The following RGS20 variants were observed in gnomAD, a reference collection of about 807,000 sequenced individuals.
The protein encoded by RGS20 is regulator of G protein signaling 20.
In RGS20, 30 loss-of-function variants were observed where a neutral mutation model predicts 33.6. That is an observed-to-expected ratio of 0.89 (90% confidence interval 0.67 to 1.21). The LOEUF is 1.21. Ranked by LOEUF, RGS20 falls within the 50% of genes most tolerant of loss-of-function variation. RGS20 has a pLI of 0.00. For missense variants in RGS20, 472 were observed against 502.4 expected (o/e 0.94, Z 0.58); for synonymous variants, 208 against 197.9 (o/e 1.05, Z -0.43).
chr8:53,880,756 G>A (rs915465619), intron 2 of RGS20, 116 bp from the exon 1 acceptor site: 12 of 859,656 alleles, frequency 1.4e-5, no homozygotes, highest in Non-Finnish European at 1.9e-5. Context: ...CGCGCCCCGC[G>A]TGGGGCCTCG....
intron 2 of RGS20, among the ~76,000 whole-genome samples, chr8:53,901,877 TAG>T (rs1218910760): frequency 6.6e-6 from 1 of 152,118 alleles, no homozygotes; most frequent in Non-Finnish European, 1.5e-5. Flanking sequence ...GAAAACATTA[TAG>T]AGATAGAATA....
At chr8:53,863,179 G>T (rs1277169671) in intron 1 of RGS20, among the ~76,000 whole-genome samples, 2 of 152,026 alleles carry the variant, frequency 1.3e-5, no homozygotes, top group African/African-American at 4.8e-5. Flanking sequence ...TAGAGACGGG[G>T]TCTCTCCATG....
At chr8:53,949,534 TGGTGAAA>T (rs1814651221) in intron 4 of RGS20, among the ~76,000 whole-genome samples, 1 of 151,850 alleles carries the variant, frequency 6.6e-6, no homozygotes. Context: ...CTGGCTGACA[TGGTGAAA>T]CCCCTTTTCT....
At position 53,889,645 on chromosome 8, in the gene RGS20, C is replaced by T. The variant is rs114038637; in HGVS notation, c.510+10043C>T. Among the ~76,000 whole-genome samples, 640 of 151,064 alleles carry T rather than the reference C, an allele frequency of 4.2e-3. 4 individuals carry two copies. Among genetic ancestry groups the T allele is most frequent in the African/African-American group, 0.014 (570 of 41,172 alleles). Reference sequence around the variant, plus strand: ...TGTTTGGCCCATTTTTCTATTGTGCCGCTGATCTTTTATTATTGTTATTAT... The same window carrying T: ...TGTTTGGCCCATTTTTCTATTGTGCTGCTGATCTTTTATTATTGTTATTAT... On this transcript the variant is annotated intron_variant, in intron 2 of 5. Transcript: ENST00000297313.
intron 2 of RGS20, among the ~76,000 whole-genome samples, chr8:53,920,074 C>G (rs1172461847): frequency 6.6e-6 from 1 of 151,960 alleles, no homozygotes. Context: ...GGTGTTTCAC[C>G]CTGTTGCCTA....
At position 53,904,018 on chromosome 8, in the gene RGS20, G is replaced by A. The variant is rs11998207; in HGVS notation, c.510+24416G>A. On this transcript the variant is annotated intron_variant, in intron 2 of 5. Coordinates refer to ENST00000297313, the MANE Select transcript of RGS20 (RefSeq NM_170587.4). ...CTTTGCCAGGAGTTAGGATTGGGAG[G>A]AGTTGAGGATGATGAGTTTTCTTGA... Among the ~76,000 whole-genome samples the A allele has an allele frequency of 8.2e-3, 1,251 of 152,204 alleles. 11 individuals are homozygous for A. Among genetic ancestry groups the A allele is most frequent in the African/African-American group, 0.029 (1,187 of 41,542 alleles).
intron 2 of RGS20, among the ~76,000 whole-genome samples, chr8:53,892,299 A>G (rs913415604): frequency 4.9e-4 from 75 of 152,332 alleles, no homozygotes; most frequent in Non-Finnish European, 1.0e-3. Context: ...ATTGTTGGAC[A>G]TTTGGGTTGG....
chr8:53,927,046 G>A (rs1461069706), intron 2 of RGS20, among the ~76,000 whole-genome samples: 1 of 152,174 alleles, frequency 6.6e-6, no homozygotes, highest in East Asian at 1.9e-4. Flanking sequence ...TTGGCTTTTA[G>A]TTGAATTTTG....
chr8:53,919,639 A>G (rs112109842), intron 2 of RGS20, among the ~76,000 whole-genome samples: 8,060 of 147,716 alleles, frequency 0.055, 648 homozygotes, highest in African/African-American at 0.18. Context: ...CCCAGGCTGG[A>G]ATGCAGTGGT....
chr8:53,921,228 A>G (rs1813637302), intron 2 of RGS20, among the ~76,000 whole-genome samples: 1 of 152,126 alleles, frequency 6.6e-6, no homozygotes, highest in Non-Finnish European at 1.5e-5. Context: ...CTAGTATTTT[A>G]AGATTTTTGC....
chr8:53,899,407 T>C (rs569879855), intron 2 of RGS20, among the ~76,000 whole-genome samples: 1 of 152,324 alleles, frequency 6.6e-6, no homozygotes, highest in East Asian at 1.9e-4. Context: ...TACTTTTTGG[T>C]ACTCAATCCA....
intron 1 of RGS20, among the ~76,000 whole-genome samples, chr8:53,869,521 C>G (rs1397436952): frequency 6.6e-6 from 1 of 151,972 alleles, no homozygotes; most frequent in Non-Finnish European, 1.5e-5. Flanking sequence ...ACTAAAAACA[C>G]AAAAATTAGC....
intron 2 of RGS20, among the ~76,000 whole-genome samples, chr8:53,925,559 C>A (rs896658698): frequency 1.3e-5 from 2 of 152,030 alleles, no homozygotes; most frequent in Non-Finnish European, 2.9e-5. Flanking sequence ...GGGCGGATCA[C>A]CTCAGGTCAG....
intron 2 of RGS20, among the ~76,000 whole-genome samples, chr8:53,885,844 A>G (rs1380899031): frequency 1.0e-4 from 13 of 127,522 alleles, no homozygotes; most frequent in South Asian, 4.8e-4. Flanking sequence ...TGAATACCCT[A>G]CTCTTGAATA....
chr8:53,897,363 A>T (rs1812895884), intron 2 of RGS20, among the ~76,000 whole-genome samples: 1 of 152,240 alleles, frequency 6.6e-6, no homozygotes, highest in Non-Finnish European at 1.5e-5. Context: ...ACTTGTGGTC[A>T]AACTTGGATG....
intron 1 of RGS20, among the ~76,000 whole-genome samples, chr8:53,856,220 T>G (rs924601390): frequency 2.0e-5 from 3 of 151,170 alleles, no homozygotes; most frequent in Non-Finnish European, 4.4e-5. Flanking sequence ...TTTTCAATTT[T>G]TTTTTTTTTT....
At chr8:53,953,195 C>T (rs962747292) in intron 4 of RGS20, among the ~76,000 whole-genome samples, 1 of 152,116 alleles carries the variant, frequency 6.6e-6, no homozygotes, top group South Asian at 2.1e-4. Flanking sequence ...CACTTGCACC[C>T]CCTAATTATA....
At chr8:53,912,022 A>G (rs920592657) in intron 2 of RGS20, among the ~76,000 whole-genome samples, 1 of 152,176 alleles carries the variant, frequency 6.6e-6, no homozygotes, top group Non-Finnish European at 1.5e-5. Context: ...TAAACTGGAC[A>G]AAGATGGCCA....
chr8:53,879,944 A>C, intron 2 of RGS20: 61 of 247,678 alleles, frequency 2.5e-4, no homozygotes, highest in Non-Finnish European at 3.2e-4. Context: ...GCCTCCCCCA[A>C]ACGCGCCTCC....
Sources: gnomAD v4.1 joint callset for allele counts (sites outside exome capture counted in the v4.1 genomes callset) on GRCh38, gnomAD v4.1.1 for gene constraint, MANE v1.5 for transcripts, NCBI Gene and HGNC (gene_info 2026-07-23, HGNC 2026-07-21) for gene names.